Variants in CNTN4 observed in about 807,000 individuals in gnomAD.
CNTN4 encodes the protein contactin 4, also known as contactin-4.
CNTN4 carries 77 observed loss-of-function variants against 122.5 expected under a neutral mutation model. That is an observed-to-expected ratio of 0.63 (90% confidence interval 0.52 to 0.76). The LOEUF is 0.76. CNTN4 is among the 30% of genes least tolerant of loss of function. The pLI is 0.00. For synonymous variants in CNTN4, 512 were observed against 447.0 expected (o/e 1.15, Z -1.83); for missense variants, 1,256 against 1,259.1 (o/e 1.00, Z 0.04).
chr3:2,225,606 C>T (rs867464711), intron 2 of CNTN4, among the ~76,000 whole-genome samples: 14 of 152,298 alleles, frequency 9.2e-5, no homozygotes, highest in Admixed American at 8.5e-4. Flanking sequence ...ATGAACAATA[C>T]TATCTCACGA....
chr3:2,282,052 T>C (rs1234130377), intron 2 of CNTN4, among the ~76,000 whole-genome samples: 1 of 152,198 alleles, frequency 6.6e-6, no homozygotes, highest in Non-Finnish European at 1.5e-5. Context: ...GAAATTTTCT[T>C]ATTTTCCTAC....
chr3:2,295,146 T>A (rs36147572), intron 2 of CNTN4, among the ~76,000 whole-genome samples: 53,872 of 131,050 alleles, frequency 0.41, 12,635 homozygotes, highest in East Asian at 0.61. Context: ...ATACATGGGC[T>A]TGTGTCTTTA....
chr3:2,582,819 A>T (rs940706837), intron 4 of CNTN4, among the ~76,000 whole-genome samples: 1 of 152,140 alleles, frequency 6.6e-6, no homozygotes, highest in Non-Finnish European at 1.5e-5. Context: ...GGCCAAAATT[A>T]AAAATCCATA....
chr3:2,638,695 T>C (rs2082772429), intron 4 of CNTN4, among the ~76,000 whole-genome samples: 1 of 152,192 alleles, frequency 6.6e-6, no homozygotes, highest in Admixed American at 6.6e-5. Context: ...CTAACAGGCA[T>C]CTCGAAGTCA....
intron 7 of CNTN4, among the ~76,000 whole-genome samples, chr3:2,840,435 T>C (rs2093330305): frequency 1.3e-5 from 2 of 151,458 alleles, no homozygotes; most frequent in Non-Finnish European, 2.9e-5. Context: ...GCGCGGTGGC[T>C]CACGCCTGTC....
chr3:2,903,934 T>C (rs894887745), intron 12 of CNTN4, among the ~76,000 whole-genome samples: 2 of 151,928 alleles, frequency 1.3e-5, no homozygotes, highest in African/African-American at 2.4e-5. Flanking sequence ...AAGGAAGAAA[T>C]TGAGAGATTA....
intron 7 of CNTN4, among the ~76,000 whole-genome samples, chr3:2,821,146 A>G (rs1482393528): frequency 4.6e-5 from 7 of 151,766 alleles, no homozygotes; most frequent in African/African-American, 1.7e-4. Flanking sequence ...TAGTAGAGAT[A>G]GGATTTCACC....
intron 2 of CNTN4, among the ~76,000 whole-genome samples, chr3:2,229,728 T>C (rs2039415164): frequency 6.6e-6 from 1 of 152,150 alleles, no homozygotes; most frequent in Non-Finnish European, 1.5e-5. Flanking sequence ...TGTGCTAATT[T>C]TTGTAATCAA....
At chr3:2,665,504 A>G (rs1420198907) in intron 4 of CNTN4, among the ~76,000 whole-genome samples, 1 of 152,220 alleles carries the variant, frequency 6.6e-6, no homozygotes. Context: ...GGAGATTGAC[A>G]TAGAGAAATT....
chr3:2,371,757 A>G (rs901073064), intron 3 of CNTN4, among the ~76,000 whole-genome samples: 1 of 152,234 alleles, frequency 6.6e-6, no homozygotes, highest in Non-Finnish European at 1.5e-5. Context: ...AATAATTTTA[A>G]TATTTACCTG....
chr3:2,472,704 A>G (rs1378207436), intron 3 of CNTN4, among the ~76,000 whole-genome samples: 1 of 152,254 alleles, frequency 6.6e-6, no homozygotes. Flanking sequence ...TGAATCCTTA[A>G]GCAGGCTCCA....
chr3:2,918,469 A>G (rs904486), intron 12 of CNTN4, among the ~76,000 whole-genome samples: 85,833 of 151,980 alleles, frequency 0.56, 24,269 homozygotes, highest in East Asian at 0.69. Flanking sequence ...TCTCCTAAGT[A>G]CATGTTGTGG....
At chr3:2,178,897 G>A (rs1354067082) in intron 2 of CNTN4, among the ~76,000 whole-genome samples, 1 of 151,988 alleles carries the variant, frequency 6.6e-6, no homozygotes, top group Non-Finnish European at 1.5e-5. Context: ...TATATTGAAT[G>A]AAATACGACC....
In CNTN4 at chr3:2,394,784, G is replaced by GTTTTT. The variant is rs56027529; in HGVS notation, c.-89+55569_-89+55573dup. Among the ~76,000 whole-genome samples the GTTTTT allele has an allele frequency of 2.2e-3, 241 of 108,510 alleles. 3 individuals are homozygous for GTTTTT. Among genetic ancestry groups the GTTTTT allele is most frequent in the Non-Finnish European group, 3.8e-3 (211 of 54,960 alleles). The allele number at this position is 108,510 out of a possible 152,430, so 71.2% of individuals were successfully genotyped here. A position where few individuals can be genotyped will look rare whatever the true frequency, so the allele number is the denominator to read the frequency against. On this transcript the variant is annotated intron_variant, in intron 3 of 24. Transcript: ENST00000418658. ...CATGTCTACAACAAACCTTATATTAGTTTTTTTTTTTTTTTTTTTTTTGAG... is the reference window on the plus strand; with the variant it reads ...CATGTCTACAACAAACCTTATATTAGTTTTTTTTTTTTTTTTTTTTTTTTTTTGAG...
At chr3:2,744,694 T>C (rs2089659391) in intron 5 of CNTN4, among the ~76,000 whole-genome samples, 1 of 152,250 alleles carries the variant, frequency 6.6e-6, no homozygotes, top group African/African-American at 2.4e-5. Context: ...AGAGAAGCTC[T>C]CACTCTTTGG....
At chr3:2,996,704 T>A (rs928029651) in intron 14 of CNTN4, among the ~76,000 whole-genome samples, 1 of 152,168 alleles carries the variant, frequency 6.6e-6, no homozygotes, top group African/African-American at 2.4e-5. Context: ...AAGAAATATA[T>A]TGAAGCTATC....
intron 5 of CNTN4, among the ~76,000 whole-genome samples, chr3:2,738,311 CA>C (rs530937442): frequency 3.9e-5 from 6 of 152,030 alleles, no homozygotes; most frequent in Non-Finnish European, 8.8e-5. Context: ...TCAATAGCAA[CA>C]AAAAATCAGG....
chr3:2,243,043 C>CG (rs1472315542), intron 2 of CNTN4, among the ~76,000 whole-genome samples: 1 of 152,106 alleles, frequency 6.6e-6, no homozygotes, highest in African/African-American at 2.4e-5. Flanking sequence ...TGAGCACGGT[C>CG]TAAGTTGCCT....
intron 2 of CNTN4, among the ~76,000 whole-genome samples, chr3:2,234,535 A>T (rs1397771831): frequency 6.6e-6 from 1 of 152,002 alleles, no homozygotes. Flanking sequence ...GTTGATGGGG[A>T]TTTATGCTGC....
Sources: gnomAD v4.1 joint callset for allele counts (sites outside exome capture counted in the v4.1 genomes callset) on GRCh38, gnomAD v4.1.1 for gene constraint, MANE v1.5 for transcripts, NCBI Gene and HGNC (gene_info 2026-07-23, HGNC 2026-07-21) for gene names.